Variants in PDE1A observed in about 807,000 individuals in gnomAD.
PDE1A encodes the protein phosphodiesterase 1A, also known as dual specificity calcium/calmodulin-dependent 3',5'-cyclic nucleotide phosphodiesterase 1A.
PDE1A carries 35 observed loss-of-function variants against 61.7 expected under a neutral mutation model. The ratio of observed to expected loss-of-function variants is 0.57; its 90% CI spans 0.43 to 0.75. The LOEUF is 0.75. Among genes scored for constraint, PDE1A ranks in the 30% least tolerant of loss-of-function variants. PDE1A has a pLI of 0.00. For missense variants in PDE1A, 597 were observed against 630.6 expected (o/e 0.95, Z 0.57); for synonymous variants, 232 against 213.2 (o/e 1.09, Z -0.77).
chr2:182,186,044 G>T, exon 13 of PDE1A: 2 of 1,613,980 alleles, frequency 1.2e-6, no homozygotes, highest in East Asian at 4.5e-5. Flanking sequence ...TCGTCTTAGT[G>T]CATCAGCAAT....
intron 2 of PDE1A, among the ~76,000 whole-genome samples, chr2:182,467,159 G>A (rs1686728636): frequency 6.6e-6 from 1 of 151,188 alleles, no homozygotes; most frequent in Non-Finnish European, 1.5e-5. Context: ...AGGAAGGGAG[G>A]GGAGGAAGAG....
intron 2 of PDE1A, among the ~76,000 whole-genome samples, chr2:182,475,505 A>C (rs896448622): frequency 6.6e-6 from 1 of 151,988 alleles, no homozygotes; most frequent in African/African-American, 2.4e-5. Flanking sequence ...TGGAATCCAC[A>C]GCCAGACTAT....
chr2:182,203,387 A>G (rs7588289), intron 8 of PDE1A, among the ~76,000 whole-genome samples: 25,990 of 152,138 alleles, frequency 0.17, 2,371 homozygotes, highest in East Asian at 0.31. Flanking sequence ...CAACATTTCT[A>G]TTGAATTTTT....
chr2:182,341,773 T>A (rs949578186), intron 1 of PDE1A, among the ~76,000 whole-genome samples: 2 of 152,202 alleles, frequency 1.3e-5, no homozygotes, highest in African/African-American at 4.8e-5. Flanking sequence ...TCCTCTTTTT[T>A]TGAGATAGGG....
intron 2 of PDE1A, among the ~76,000 whole-genome samples, chr2:182,510,270 A>T (rs953103098): frequency 6.6e-6 from 1 of 152,206 alleles, no homozygotes; most frequent in Non-Finnish European, 1.5e-5. Context: ...ATGAGCTATC[A>T]TCATTGTTAT....
At chr2:182,454,217 T>C (rs1173527970) in intron 2 of PDE1A, among the ~76,000 whole-genome samples, 5 of 152,260 alleles carry the variant, frequency 3.3e-5, no homozygotes, top group African/African-American at 1.2e-4. Context: ...ACAAGGGATG[T>C]GAAGGACCTC....
chr2:182,344,072 A>G (rs1165639183), intron 1 of PDE1A, among the ~76,000 whole-genome samples: 8 of 151,928 alleles, frequency 5.3e-5, no homozygotes, highest in African/African-American at 1.9e-4. Flanking sequence ...AAGTCTCATT[A>G]TGTTGCCCAG....
chr2:182,231,175 G>C, intron 4 of PDE1A, 44 bp from the exon 5 acceptor site: 2 of 944,384 alleles, frequency 2.1e-6, no homozygotes, highest in Non-Finnish European at 1.7e-6. Context: ...ATATCATACT[G>C]TTTCTACGAG....
the PDE1A span, among the ~76,000 whole-genome samples, chr2:182,569,206 T>C: frequency 2.7e-5 from 4 of 149,864 alleles, no homozygotes; most frequent in African/African-American, 9.9e-5. Context: ...TGAGCCGAGA[T>C]TGTGCCACTG....
intron 1 of PDE1A, among the ~76,000 whole-genome samples, chr2:182,398,775 C>G (rs1289255019): frequency 1.3e-5 from 2 of 152,010 alleles, no homozygotes; most frequent in Non-Finnish European, 2.9e-5. Flanking sequence ...ATAATTAATT[C>G]ATACAAATGG....
At chr2:182,645,222 G>A in the PDE1A span, among the ~76,000 whole-genome samples, 5 of 152,072 alleles carry the variant, frequency 3.3e-5, no homozygotes, top group Non-Finnish European at 5.9e-5. Flanking sequence ...TCCTGACCTC[G>A]TGATCTGCCC....
At chr2:182,585,382 T>G in the PDE1A span, among the ~76,000 whole-genome samples, 4 of 152,202 alleles carry the variant, frequency 2.6e-5, no homozygotes, top group African/African-American at 7.2e-5. Flanking sequence ...CAGAGATTTC[T>G]CCATTAAAAT....
the PDE1A span, among the ~76,000 whole-genome samples, chr2:182,614,500 A>G: frequency 6.6e-6 from 1 of 151,288 alleles, no homozygotes; most frequent in Non-Finnish European, 1.5e-5. Context: ...TTTCTTTGCT[A>G]TATTTATGTA....
intron 1 of PDE1A, among the ~76,000 whole-genome samples, chr2:182,421,364 T>C (rs1366383966): frequency 6.6e-6 from 1 of 152,158 alleles, no homozygotes; most frequent in Non-Finnish European, 1.5e-5. Context: ...CACATTTTAA[T>C]CGTACCCTGT....
At chr2:182,481,265 A>G (rs1687685178) in intron 2 of PDE1A, among the ~76,000 whole-genome samples, 1 of 151,936 alleles carries the variant, frequency 6.6e-6, no homozygotes, top group African/African-American at 2.4e-5. Context: ...TTTTATGTTT[A>G]GGCCTCAAGA....
intron 2 of PDE1A, among the ~76,000 whole-genome samples, chr2:182,474,174 G>A (rs985365971): frequency 2.6e-5 from 4 of 151,926 alleles, no homozygotes; most frequent in African/African-American, 9.7e-5. Context: ...AACCTACTTT[G>A]TGTAAAGTGA....
intron 1 of PDE1A, among the ~76,000 whole-genome samples, chr2:182,347,189 C>G (rs1432473753): frequency 6.6e-6 from 1 of 151,926 alleles, no homozygotes; most frequent in African/African-American, 2.4e-5. Context: ...TGATTTAAAT[C>G]CTGATCAGAA....
At chr2:182,193,090 C>T (rs1472680236) in intron 10 of PDE1A, among the ~76,000 whole-genome samples, 3 of 151,942 alleles carry the variant, frequency 2.0e-5, no homozygotes, top group Non-Finnish European at 4.4e-5. Flanking sequence ...TGGGTTCAAG[C>T]GATTCTCCTG....
At chr2:182,516,607 C>T (rs1319765042) in intron 2 of PDE1A, among the ~76,000 whole-genome samples, 3 of 149,474 alleles carry the variant, frequency 2.0e-5, no homozygotes, top group Admixed American at 6.7e-5. Flanking sequence ...GAGCAGAGAT[C>T]GCACCACTGC....
Sources: allele counts gnomAD v4.1 joint callset (sites outside exome capture counted in the v4.1 genomes callset), GRCh38; gene constraint gnomAD v4.1.1; transcripts MANE v1.5; gene names NCBI Gene and HGNC (gene_info 2026-07-23, HGNC 2026-07-21).